Variants in SYNGR4 observed in about 807,000 individuals in gnomAD.
SYNGR4 encodes synaptogyrin-4.
A neutral mutation model predicts 15.5 loss-of-function variants in SYNGR4; 15 were observed. The observed-to-expected ratio is 0.97, with a 90% CI of 0.65 to 1.49. SYNGR4 has a LOEUF of 1.49. Among genes scored for constraint, SYNGR4 ranks in the 40% most tolerant of loss-of-function variants. The pLI is 0.00. For synonymous variants in SYNGR4, 121 were observed against 127.4 expected (o/e 0.95, Z 0.34); for missense variants, 292 against 299.3 (o/e 0.98, Z 0.18).
chr19:48,375,515 C>T (rs1970387286), intron 3 of SYNGR4, 98 bp from the exon 4 acceptor site: 10 of 1,460,410 alleles, frequency 6.8e-6, no homozygotes, highest in Middle Eastern at 2.0e-4. Flanking sequence ...CGTGGAAGTT[C>T]GTGCAGCAAG....
chr19:48,369,308 G>T (rs1970268978), intron 2 of SYNGR4, among the ~76,000 whole-genome samples: 1 of 152,138 alleles, frequency 6.6e-6, no homozygotes, highest in Non-Finnish European at 1.5e-5. Flanking sequence ...AAGAGGGATA[G>T]GGTCCCTCTA....
rs1416236461 is a variant in SYNGR4 at position 48,373,601 on chromosome 19, A to G, written c.178A>G (p.Asn60Asp). The G allele has an allele frequency of 1.2e-6, 2 of 1,613,674 alleles. No individual in the cohort carries two copies. Among genetic ancestry groups the G allele is most frequent in the African/African-American group, 1.3e-5 (1 of 74,888 alleles). ...MESPQLHCIL[N>D]SNSVACSFAV... ...GTCTCCGCAGCTCCACTGCATTCTC[A>G]ACAGCAACAGCGTGGCCTGCAGCTT... The change falls in exon 3 of 5, where the codon AAC becomes GAC. Residue 60 changes from asparagine to aspartate, a missense_variant. By Grantham distance (23) the Asn-to-Asp change is conservative. Transcript: ENST00000344846.
chr19:48,369,507 C>T (rs937542262), intron 2 of SYNGR4, among the ~76,000 whole-genome samples: 6 of 152,090 alleles, frequency 3.9e-5, no homozygotes, highest in African/African-American at 1.2e-4. Flanking sequence ...CAAGAATGAC[C>T]ATTTTCCTGA....
At chr19:48,371,352 C>T (rs2097607405) in intron 2 of SYNGR4, among the ~76,000 whole-genome samples, 1 of 146,464 alleles carries the variant, frequency 6.8e-6, no homozygotes, top group Non-Finnish European at 1.5e-5. Context: ...TCCCCACCAC[C>T]CCATCTACAC....
In SYNGR4 at chr19:48,365,770, C is replaced by A; in HGVS notation, c.-73C>A. On this transcript the variant is annotated 5_prime_UTR_variant, in exon 2 of 5. Transcript: ENST00000344846. ...CCAGGGCTGGCCTGAAGCCCCCGGA[C>A]GGCAGTGCCCAGCAGGCAGCGCCCA... 6 of 1,524,870 alleles carry A rather than the reference C, an allele frequency of 3.9e-6. No individual in the cohort carries two copies. Among genetic ancestry groups the A allele is most frequent in the Non-Finnish European group, 4.5e-6 (5 of 1,105,606 alleles). 94.5% of individuals were successfully genotyped at this position (1,524,870 alleles called of 1,614,324 possible). A position where few individuals can be genotyped will look rare whatever the true frequency, so the allele number is the denominator to read the frequency against.
In SYNGR4 at chr19:48,376,111, G is replaced by A; in HGVS notation, c.498G>A (p.Gln166=). Residue 166 remains glutamine, a synonymous_variant, in exon 5 of 5, where the codon CAG becomes CAA. Coordinates refer to ENST00000344846, the MANE Select transcript of SYNGR4 (RefSeq NM_012451.4). The stretch of plus-strand genomic sequence containing the variant: ...TATTCCAGGCCTACCTGGCATTCCA[G>A]GACCTCCGAAATGATGCTCCAGTCC... ...VWIFQAYLAF[Q]DLRNDAPVPY... The A allele has an allele frequency of 6.2e-7, 1 of 1,614,086 alleles. No homozygotes were observed. The highest frequency in any genetic ancestry group is 8.5e-7 in the Non-Finnish European group (1 of 1,180,010).
chr19:48,371,823 C>T (rs1404697970), intron 2 of SYNGR4, among the ~76,000 whole-genome samples: 3 of 148,766 alleles, frequency 2.0e-5, no homozygotes, highest in Admixed American at 6.7e-5. Context: ...TCAAGCGATT[C>T]CTCCCACCTT....
chr19:48,365,716 C>A lies in SYNGR4; in HGVS notation c.-107-20C>A. On this transcript the variant is annotated intron_variant, in intron 1 of 4. Coordinates refer to ENST00000344846, the MANE Select transcript of SYNGR4 (RefSeq NM_012451.4). ...ACCCCGTGCCCCTGACTGGCATCCC[C>A]CATCTGTGTCATCCCACAGCAGCCA... The A allele has an allele frequency of 3.0e-6, 3 of 999,404 alleles. No individual in the cohort carries two copies. The highest frequency in any genetic ancestry group is 3.0e-6 in the Non-Finnish European group (2 of 660,454). The allele number at this position is 999,404 out of a possible 1,614,324, so 61.9% of individuals were successfully genotyped here. A position where few individuals can be genotyped will look rare whatever the true frequency, so the allele number is the denominator to read the frequency against.
intron 2 of SYNGR4, among the ~76,000 whole-genome samples, chr19:48,370,609 G>T (rs1970289391): frequency 6.6e-6 from 1 of 152,056 alleles, no homozygotes; most frequent in African/African-American, 2.4e-5. Flanking sequence ...GCCCAGGCTG[G>T]AGTGCAGTGG....
intron 2 of SYNGR4, among the ~76,000 whole-genome samples, chr19:48,366,308 C>G (rs1481635409): frequency 6.6e-6 from 1 of 151,024 alleles, no homozygotes; most frequent in African/African-American, 2.4e-5. Flanking sequence ...GAGAATCACT[C>G]GAACCCGGGT....
At position 48,365,783 on chromosome 19, in the gene SYNGR4, C is replaced by G. The variant is rs1970206346; in HGVS notation, c.-60C>G. ...GAAGCCCCCGGACGGCAGTGCCCAGCAGGCAGCGCCCAGCACCCTGGCTCC... is the reference window on the plus strand; with the variant it reads ...GAAGCCCCCGGACGGCAGTGCCCAGGAGGCAGCGCCCAGCACCCTGGCTCC... On this transcript the variant is annotated 5_prime_UTR_variant, in exon 2 of 5. Transcript: ENST00000344846. 9 of 1,581,506 alleles carry G rather than the reference C, an allele frequency of 5.7e-6. No individual in the cohort carries two copies. In the South Asian group the frequency reaches 8.9e-5, roughly 16 times the overall value.
At chr19:48,372,665 C>T (rs115444795) in intron 2 of SYNGR4, among the ~76,000 whole-genome samples, 42 of 151,468 alleles carry the variant, frequency 2.8e-4, no homozygotes, top group Admixed American at 9.2e-4. Context: ...AAAAAACAGA[C>T]GAGAGGGACA....
intron 2 of SYNGR4, among the ~76,000 whole-genome samples, chr19:48,369,840 C>T (rs1970278289): frequency 6.6e-6 from 1 of 152,186 alleles, no homozygotes; most frequent in African/African-American, 2.4e-5. Context: ...CAGGGCCAGA[C>T]ACACCCCCTC....
chr19:48,373,401 G>A (rs1600946754), intron 2 of SYNGR4, 116 bp from the exon 3 acceptor site: 1 of 839,594 alleles, frequency 1.2e-6, no homozygotes, highest in Non-Finnish European at 2.0e-6. Context: ...GTCAAAGAGG[G>A]AGAGGTCCAG....
intron 2 of SYNGR4, among the ~76,000 whole-genome samples, chr19:48,368,267 A>G (rs1370913372): frequency 6.6e-6 from 1 of 152,240 alleles, no homozygotes; most frequent in Non-Finnish European, 1.5e-5. Context: ...CTGTAAAAAG[A>G]GGATCCTAAT....
At chr19:48,374,797 G>A (rs1382195843) in intron 3 of SYNGR4, among the ~76,000 whole-genome samples, 5 of 152,050 alleles carry the variant, frequency 3.3e-5, no homozygotes, top group East Asian at 3.9e-4. Context: ...CCAACATGGC[G>A]AAACCCTGTC....
chr19:48,369,207 C>T (rs1249436362), intron 2 of SYNGR4, among the ~76,000 whole-genome samples: 3 of 152,012 alleles, frequency 2.0e-5, no homozygotes, highest in African/African-American at 7.2e-5. Flanking sequence ...TCCTCGCTGC[C>T]GCCTGCCAGC....
chr19:48,371,744 AT>A lies in SYNGR4; in HGVS notation c.94-1761del, dbSNP rs112725407. Among the ~76,000 whole-genome samples the A allele has an allele frequency of 9.6e-3, 1,381 of 143,170 alleles. 24 individuals carry two copies. The highest frequency in any genetic ancestry group is 0.032 in the African/African-American group (1,260 of 38,972). The allele number at this position is 143,170 out of a possible 152,430, so 93.9% of individuals were successfully genotyped here. On this transcript the variant is annotated intron_variant, in intron 2 of 4. Transcript: ENST00000344846. ...GGGTGCATGCCACCACACTGAGCTA[AT>A]TTTTTTTTTTTAAGAAGTTTTGGTA...
Position 48,376,306 on chromosome 19 carries a change from G to T in SYNGR4, c.693G>T (p.Met231Ile). The T allele has an allele frequency of 6.2e-7, 1 of 1,612,644 alleles. No individual in the cohort carries two copies. The highest frequency in any genetic ancestry group is 8.5e-7 in the Non-Finnish European group (1 of 1,179,616). ...TAPKSPRLAM[M>I]PDN is the part of the protein sequence containing the mutation. ...CAAAGTCCCCCCGGCTTGCTATGATGCCTGACAACTAAATATCCTTATCCA... is the reference window on the plus strand; with the variant it reads ...CAAAGTCCCCCCGGCTTGCTATGATTCCTGACAACTAAATATCCTTATCCA... Residue 231 changes from methionine to isoleucine, a missense_variant, in exon 5 of 5, where the codon ATG becomes ATT. Physicochemically the swap from Met to Ile is conservative, Grantham distance 10. Coordinates refer to ENST00000344846, the MANE Select transcript of SYNGR4 (RefSeq NM_012451.4).
Sources: gnomAD v4.1 joint callset for allele counts (sites outside exome capture counted in the v4.1 genomes callset) on GRCh38, gnomAD v4.1.1 for gene constraint, MANE v1.5 for transcripts, NCBI Gene and HGNC (gene_info 2026-07-23, HGNC 2026-07-21) for gene names.